Variants in GNRH1 observed in about 807,000 individuals in gnomAD.
GNRH1 encodes gonadotropin releasing hormone 1.
Under a neutral mutation model 13.6 loss-of-function variants are expected in GNRH1, and 9 were observed. That is an observed-to-expected ratio of 0.66 (90% CI 0.40 to 1.15). GNRH1 has a LOEUF of 1.15. GNRH1 is among the 50% of genes most tolerant of loss of function. GNRH1 has a pLI of 0.01. For synonymous variants in GNRH1, 44 were observed against 40.1 expected, an observed-to-expected ratio of 1.10 and a Z score of -0.37; for missense variants, 116 against 110.8, an observed-to-expected ratio of 1.05 and a Z score of -0.21.
intron 1 of GNRH1, 189 bp from the exon 2 acceptor site, chr8:25,423,520 T>C (rs1168035681): frequency 2.1e-5 from 13 of 617,158 alleles, no homozygotes; most frequent in Non-Finnish European, 3.4e-5. Flanking sequence ...TCTTAGCCAC[T>C]GGGGACAAAA....
intron 3 of GNRH1, among the ~76,000 whole-genome samples, chr8:25,419,684 T>C (rs905203299): frequency 2.0e-5 from 3 of 151,902 alleles, no homozygotes; most frequent in Non-Finnish European, 4.4e-5. Context: ...TGCAGTAGTA[T>C]GATCTCAGCT....
intron 2 of GNRH1, among the ~76,000 whole-genome samples, chr8:25,422,592 T>C (rs879608720): frequency 6.6e-6 from 1 of 152,142 alleles, no homozygotes; most frequent in Non-Finnish European, 1.5e-5. Flanking sequence ...CTCACGTTAG[T>C]GTTGGTGCCA....
chr8:25,421,577 G>C lies in GNRH1; in HGVS notation c.233C>G (p.Ala78Gly), dbSNP rs768548646. The change falls in exon 3 of 4, where the codon GCT becomes GGT. Residue 78 changes from alanine to glycine, a missense_variant. Physicochemically the swap from Ala to Gly is moderately conservative, Grantham distance 60 (BLOSUM62 0). Transcript: ENST00000421054. ...PRSPLRDLKG[A>G]LESLIEEETG... ...GTTATGATCACTTTAACTTACCAGAGCTCCTTTCAGGTCTCGGAGGGGAGA... is the reference window on the plus strand; with the variant it reads ...GTTATGATCACTTTAACTTACCAGACCTCCTTTCAGGTCTCGGAGGGGAGA... 9 of 1,546,146 alleles carry C rather than the reference G, an allele frequency of 5.8e-6. No individual in the cohort carries two copies. The highest frequency in any genetic ancestry group is 8.0e-6 in the Non-Finnish European group (9 of 1,119,704).
chr8:25,419,309 G>T lies in GNRH1; in HGVS notation c.*110C>A. ...TGGAATATGTGCAACTTGGTGTAAG[G>T]ATTTCTGAAATTCATACCATTTACA... On this transcript the variant is annotated 3_prime_UTR_variant, in exon 4 of 4. Transcript: ENST00000421054. 2 of 765,812 alleles carry T rather than the reference G, an allele frequency of 2.6e-6. No homozygotes were observed. The highest frequency in any genetic ancestry group is 4.8e-6 in the Non-Finnish European group (2 of 413,222). The allele number at this position is 765,812 out of a possible 1,614,324, so 47.4% of individuals were successfully genotyped here.
chr8:25,424,831 G>A (rs534506181), upstream of GNRH1, among the ~76,000 whole-genome samples: 1 of 152,312 alleles, frequency 6.6e-6, no homozygotes, highest in South Asian at 2.1e-4. Flanking sequence ...ACAGTTGTGT[G>A]TTTGAAAATT....
At chr8:25,423,597 T>A (rs1801804301) in intron 1 of GNRH1, 1 of 464,606 alleles carries the variant, frequency 2.2e-6, no homozygotes, top group African/African-American at 2.0e-5. Context: ...TTATTTTTAT[T>A]GTTTGGTTAT....
chr8:25,424,680 C>G (rs1179454978), upstream of GNRH1: 2 of 152,208 alleles, frequency 1.3e-5, no homozygotes, highest in African/African-American at 4.8e-5. Context: ...CTGGGAGCTT[C>G]TGGCTCTTGG....
At chr8:25,420,291 G>A (rs1403434988) in intron 3 of GNRH1, among the ~76,000 whole-genome samples, 2 of 152,088 alleles carry the variant, frequency 1.3e-5, no homozygotes, top group African/African-American at 4.8e-5. Flanking sequence ...GCTCATGCCT[G>A]TAATCTCAGC....
chr8:25,419,561 G>C (rs1476421110), intron 3 of GNRH1, 101 bp from the exon 4 acceptor site: 2 of 754,468 alleles, frequency 2.7e-6, no homozygotes, highest in South Asian at 2.8e-5. Context: ...GAAGGAATTG[G>C]TCTGTTTGAT....
At chr8:25,422,137 C>T (rs115386664) in intron 2 of GNRH1, among the ~76,000 whole-genome samples, 490 of 152,224 alleles carry the variant, frequency 3.2e-3, no homozygotes, top group African/African-American at 0.012. Flanking sequence ...TTTATTATTT[C>T]TCAGAAAAGA....
At chr8:25,422,808 T>TA (rs1801790185) in intron 2 of GNRH1, among the ~76,000 whole-genome samples, 1 of 152,128 alleles carries the variant, frequency 6.6e-6, no homozygotes, top group Admixed American at 6.5e-5. Context: ...ATAGCATAGA[T>TA]ATGTTTAAAA....
In GNRH1 at chr8:25,423,226, C is replaced by CAAA. The variant is rs1204937890; in HGVS notation, c.104_105insTTT (p.Lys35delinsAsnLeu). ...AATCAATCAAATTTTCGGCATCTCT[C>CAAA]TTTCCTCCAGGGCGCAGTCCATAGG... On this transcript the variant is annotated protein_altering_variant, in exon 2 of 4. Transcript: ENST00000421054. The CAAA allele has an allele frequency of 6.2e-7, 1 of 1,613,180 alleles. No individual in the cohort carries two copies. The highest frequency in any genetic ancestry group is 1.3e-5 in the African/African-American group (1 of 74,908).
chr8:25,421,849 C>T (rs1284013039), intron 2 of GNRH1, among the ~76,000 whole-genome samples, 181 bp from the exon 3 acceptor site: 1 of 151,944 alleles, frequency 6.6e-6, no homozygotes, highest in African/African-American at 2.4e-5. Flanking sequence ...GACATTTCTA[C>T]TGAATGGCAT....
At chr8:25,419,516 C>T (rs976375386) in intron 3 of GNRH1, 56 bp from the exon 4 acceptor site, 11 of 881,422 alleles carry the variant, frequency 1.2e-5, no homozygotes, top group African/African-American at 8.2e-5. Flanking sequence ...AATTTCATTA[C>T]ATTTTGACAT....
Position 25,423,127 on chromosome 8 carries a change from T to C in GNRH1, c.141+63A>G. Reference sequence around the variant, plus strand: ...ATATTGACATTGGGGCTATCCTGAATGTTTAATATAGTTAAATTGAATAAA... The same window carrying C: ...ATATTGACATTGGGGCTATCCTGAACGTTTAATATAGTTAAATTGAATAAA... On this transcript the variant is annotated intron_variant, in intron 2 of 3. Transcript: ENST00000421054. 2 of 1,189,884 alleles carry C rather than the reference T, an allele frequency of 1.7e-6. 1 individual carries two copies. The highest frequency in any genetic ancestry group is 2.5e-6 in the Non-Finnish European group (2 of 795,310). The allele number at this position is 1,189,884 out of a possible 1,614,324, so 73.7% of individuals were successfully genotyped here.
In GNRH1 at chr8:25,423,291, G is replaced by A; in HGVS notation, c.40C>T (p.Leu14=). Residue 14 remains leucine, a synonymous_variant, in exon 2 of 4, where the codon CTG becomes TTG. Transcript: ENST00000421054. ...IQKLLAGLIL[L]TWCVEGCSSQ... is the part of the protein sequence containing the mutation. ...GAGCAGCCTTCCACGCACCAAGTCAGTAGAATAAGGCCAGCTAGGAGTTTT... is the reference window on the plus strand; with the variant it reads ...GAGCAGCCTTCCACGCACCAAGTCAATAGAATAAGGCCAGCTAGGAGTTTT... The A allele has an allele frequency of 6.2e-7, 1 of 1,612,102 alleles. No individual in the cohort carries two copies. Among genetic ancestry groups the A allele is most frequent in the Non-Finnish European group, 8.5e-7 (1 of 1,178,186 alleles).
chr8:25,420,370 C>T lies in GNRH1; in HGVS notation c.238-910G>A, dbSNP rs191648069. ...TGGAGGTTGCATTGAGCCGAGATTGCGCCACTGCACTCCAAAAAAAACGAA... is the reference window on the plus strand; with the variant it reads ...TGGAGGTTGCATTGAGCCGAGATTGTGCCACTGCACTCCAAAAAAAACGAA... On this transcript the variant is annotated intron_variant, in intron 3 of 3. Coordinates refer to ENST00000421054, the MANE Select transcript of GNRH1 (RefSeq NM_001083111.2). Among the ~76,000 whole-genome samples the T allele has an allele frequency of 1.7e-4, 9 of 52,774 alleles. No homozygotes were observed. In the East Asian group the frequency reaches 3.0e-3, roughly 17 times the overall value. The allele number at this position is 52,774 out of a possible 152,430, so 34.6% of individuals were successfully genotyped here.
At chr8:25,420,767 T>C (rs1050143514) in intron 3 of GNRH1, among the ~76,000 whole-genome samples, 3 of 152,180 alleles carry the variant, frequency 2.0e-5, no homozygotes, top group Non-Finnish European at 2.9e-5. Context: ...CAAGTGCTTA[T>C]AGTCCCAGCT....
upstream of GNRH1, chr8:25,424,739 C>T (rs1331086552): frequency 6.6e-6 from 1 of 152,186 alleles, no homozygotes; most frequent in Non-Finnish European, 1.5e-5. Context: ...ACTAGATGAT[C>T]ACAGAGTTGC....
Sources: gnomAD v4.1 joint callset for allele counts (sites outside exome capture counted in the v4.1 genomes callset) on GRCh38, gnomAD v4.1.1 for gene constraint, MANE v1.5 for transcripts, NCBI Gene and HGNC (gene_info 2026-07-23, HGNC 2026-07-21) for gene names.